SLC25A21: variants seen among roughly 807,000 people sequenced by gnomAD.
SLC25A21 encodes solute carrier family 25 member 21.
A neutral mutation model predicts 43.8 loss-of-function variants in SLC25A21; 47 were observed. The ratio of observed to expected loss-of-function variants is 1.07; its 90% CI spans 0.85 to 1.37. The LOEUF is 1.37. Ranked by LOEUF, SLC25A21 falls within the 40% of genes most tolerant of loss-of-function variation. The probability of loss-of-function intolerance (pLI) is 0.00; values close to 1 mark genes in which losing one functional copy is unlikely to be tolerated. For synonymous variants in SLC25A21, 131 were observed against 121.3 expected (o/e 1.08, Z -0.52); for missense variants, 352 against 350.2 (o/e 1.00, Z -0.04).
At chr14:36,790,700 G>A (rs1370015594) in intron 3 of SLC25A21, among the ~76,000 whole-genome samples, 1 of 152,108 alleles carries the variant, frequency 6.6e-6, no homozygotes, top group African/African-American at 2.4e-5. Flanking sequence ...ATAAAACAAT[G>A]AGATTTTGGA....
At chr14:37,145,643 T>G (rs1963652544) in intron 1 of SLC25A21, among the ~76,000 whole-genome samples, 1 of 152,072 alleles carries the variant, frequency 6.6e-6, no homozygotes, top group Non-Finnish European at 1.5e-5. Flanking sequence ...GTGGGGCAAG[T>G]AGAAAGATGG....
At chr14:36,818,719 T>C (rs1057074516) in intron 2 of SLC25A21, among the ~76,000 whole-genome samples, 1 of 152,216 alleles carries the variant, frequency 6.6e-6, no homozygotes, top group Non-Finnish European at 1.5e-5. Flanking sequence ...CTGTTTCAAG[T>C]TGATATAATT....
chr14:37,032,671 A>C (rs986162944), intron 1 of SLC25A21, among the ~76,000 whole-genome samples: 12 of 61,212 alleles, frequency 2.0e-4, no homozygotes, highest in East Asian at 6.8e-4. Context: ...ACTCTGTCTC[A>C]AAAAAAAAAA....
chr14:37,093,577 A>G (rs1962628655), intron 1 of SLC25A21, among the ~76,000 whole-genome samples: 1 of 152,254 alleles, frequency 6.6e-6, no homozygotes, highest in African/African-American at 2.4e-5. Flanking sequence ...TTACTCCCAC[A>G]GGTGGCGAAC....
intron 1 of SLC25A21, among the ~76,000 whole-genome samples, chr14:36,992,831 T>C (rs569411589): frequency 1.3e-5 from 2 of 152,326 alleles, no homozygotes; most frequent in African/African-American, 4.8e-5. Context: ...ACTGCAATCA[T>C]TTCTTTTTGT....
chr14:36,849,994 C>T (rs1460329425), intron 2 of SLC25A21, among the ~76,000 whole-genome samples: 1 of 152,128 alleles, frequency 6.6e-6, no homozygotes, highest in East Asian at 1.9e-4. Flanking sequence ...CTTCTTCAGT[C>T]ACAGACTGTC....
In SLC25A21 at chr14:36,916,651, A is replaced by G. The variant is rs1460149865; in HGVS notation, c.71-41647T>C. Among the ~76,000 whole-genome samples the G allele has an allele frequency of 5.9e-5, 9 of 152,318 alleles. No individual in the cohort carries two copies. The South Asian group carries it at 1.9e-3, about 32-fold the overall frequency. ...TAAAAGTTCAATTGATTTTGAAAGA[A>G]TGGGTACAGACCCTGACAGAAATAT... On this transcript the variant is annotated intron_variant, in intron 1 of 9. Transcript: ENST00000331299.
At chr14:37,171,332 A>G (rs1015122813) in intron 1 of SLC25A21, among the ~76,000 whole-genome samples, 2 of 152,210 alleles carry the variant, frequency 1.3e-5, no homozygotes, top group Non-Finnish European at 2.9e-5. Context: ...ATCCCTTACA[A>G]AAAGTCCAAA....
intron 9 of SLC25A21, among the ~76,000 whole-genome samples, chr14:36,683,466 GA>G (rs1317953175): frequency 6.6e-6 from 1 of 152,180 alleles, no homozygotes; most frequent in East Asian, 1.9e-4. Flanking sequence ...GGAGCACGAG[GA>G]AACGTTTGAC....
intron 3 of SLC25A21, among the ~76,000 whole-genome samples, chr14:36,811,439 T>C (rs1594609418): frequency 6.6e-6 from 1 of 152,022 alleles, no homozygotes; most frequent in African/African-American, 2.4e-5. Context: ...TCACTTGAGG[T>C]CAGGAGTTTG....
At chr14:36,926,587 G>A (rs1485471470) in intron 1 of SLC25A21, among the ~76,000 whole-genome samples, 1 of 151,978 alleles carries the variant, frequency 6.6e-6, no homozygotes, top group Non-Finnish European at 1.5e-5. Context: ...AAAGCAGAGA[G>A]GACAACACTG....
intron 7 of SLC25A21, among the ~76,000 whole-genome samples, chr14:36,701,078 T>A (rs914030411): frequency 6.6e-6 from 1 of 152,232 alleles, no homozygotes; most frequent in Non-Finnish European, 1.5e-5. Context: ...CAGCTCTCAC[T>A]ATACAACTTT....
intron 1 of SLC25A21, among the ~76,000 whole-genome samples, chr14:36,921,112 T>C (rs931054982): frequency 1.3e-5 from 2 of 152,172 alleles, no homozygotes; most frequent in Non-Finnish European, 2.9e-5. Context: ...TCTTAAAAAC[T>C]GAATCCTCCT....
chr14:37,029,806 C>T (rs1961171333), intron 1 of SLC25A21, among the ~76,000 whole-genome samples: 4 of 147,564 alleles, frequency 2.7e-5, no homozygotes, highest in Admixed American at 2.7e-4. Context: ...ACTCTGTCAC[C>T]CAGGCTGGAG....
chr14:37,052,098 G>A (rs1339217743), intron 1 of SLC25A21, among the ~76,000 whole-genome samples: 1 of 152,164 alleles, frequency 6.6e-6, no homozygotes, highest in Non-Finnish European at 1.5e-5. Context: ...ACACACAGTT[G>A]TTGCTGCTGC....
At chr14:36,855,140 A>G (rs1889860686) in intron 2 of SLC25A21, among the ~76,000 whole-genome samples, 1 of 152,124 alleles carries the variant, frequency 6.6e-6, no homozygotes, top group African/African-American at 2.4e-5. Context: ...ACCCCTTGGC[A>G]TGCCATGGCT....
rs1220641470 is a variant in SLC25A21, at chr14:36,704,971, A to G, written c.603+6347T>C. Among the ~76,000 whole-genome samples the G allele has an allele frequency of 2.6e-5, 4 of 152,346 alleles. No homozygotes were observed. The East Asian group carries it at 7.7e-4, about 29-fold the overall frequency. ...ATTTTTCTGTGATAACTTAAAAAATATATGTACCATAGATCACTAATCTGA... is the reference window on the plus strand; with the variant it reads ...ATTTTTCTGTGATAACTTAAAAAATGTATGTACCATAGATCACTAATCTGA... On this transcript the variant is annotated intron_variant, in intron 7 of 9. Transcript: ENST00000331299.
intron 1 of SLC25A21, among the ~76,000 whole-genome samples, chr14:36,884,657 A>C (rs1237369702): frequency 6.6e-6 from 1 of 152,062 alleles, no homozygotes; most frequent in African/African-American, 2.4e-5. Context: ...TCATCTTTTT[A>C]GTAACAGTGA....
chr14:37,140,653 G>T (rs1378403825), intron 1 of SLC25A21, among the ~76,000 whole-genome samples: 3 of 152,192 alleles, frequency 2.0e-5, no homozygotes, highest in African/African-American at 4.8e-5. Flanking sequence ...CAGAAAAACA[G>T]ATACTGAATG....
Sources: allele counts gnomAD v4.1 joint callset (sites outside exome capture counted in the v4.1 genomes callset), GRCh38; gene constraint gnomAD v4.1.1; transcripts MANE v1.5; gene names NCBI Gene and HGNC (gene_info 2026-07-23, HGNC 2026-07-21).